Variants in WWOX observed in about 807,000 individuals in gnomAD.
WWOX encodes WW domain-containing oxidoreductase.
Under a neutral mutation model 46.2 loss-of-function variants are expected in WWOX, and 69 were observed. The ratio of observed to expected loss-of-function variants is 1.49; its 90% confidence interval spans 1.23 to 1.82. The LOEUF is 1.82. Ranked by LOEUF, WWOX falls within the 40% of genes most tolerant of loss-of-function variation. The probability of loss-of-function intolerance (pLI) is 0.00; values close to 1 mark genes in which losing one functional copy is unlikely to be tolerated. For missense variants in WWOX, 919 were observed against 542.6 expected (o/e 1.69, Z -6.89); for synonymous variants, 359 against 202.6 (o/e 1.77, Z -6.56).
At chr16:78,155,190 G>C (rs1282549992) in intron 4 of WWOX, among the ~76,000 whole-genome samples, 1 of 151,748 alleles carries the variant, frequency 6.6e-6, no homozygotes, top group African/African-American at 2.4e-5. Flanking sequence ...GGAAGGGAGA[G>C]AGAGAAAGAA....
chr16:78,554,169 C>T (rs2673788), intron 8 of WWOX, among the ~76,000 whole-genome samples: 1 of 152,096 alleles, frequency 6.6e-6, no homozygotes, highest in South Asian at 2.1e-4. Context: ...GTGGCCTGCC[C>T]TAAGGCAGTA....
At chr16:78,513,797 A>G (rs1470336166) in intron 8 of WWOX, among the ~76,000 whole-genome samples, 1 of 152,158 alleles carries the variant, frequency 6.6e-6, no homozygotes, top group African/African-American at 2.4e-5. Context: ...GTCACCACTT[A>G]CCATCCACCT....
intron 8 of WWOX, among the ~76,000 whole-genome samples, 166 bp downstream of exon 8, chr16:78,432,918 A>C (rs1301777533): frequency 6.6e-6 from 1 of 152,198 alleles, no homozygotes; most frequent in African/African-American, 2.4e-5. Context: ...ACTTTAGGTT[A>C]AGTCTGTTTG....
chr16:78,165,245 GCATTCATTCACTTTT>G (rs2034933247), intron 5 of WWOX, among the ~76,000 whole-genome samples: 1 of 152,222 alleles, frequency 6.6e-6, no homozygotes, highest in South Asian at 2.1e-4. Flanking sequence ...AGTCCAGACT[GCATTCATTCACTTTT>G]CATTCATTCA....
At chr16:78,700,933 TTGA>T (rs1352778813) in intron 8 of WWOX, among the ~76,000 whole-genome samples, 2 of 152,040 alleles carry the variant, frequency 1.3e-5, no homozygotes, top group Non-Finnish European at 2.9e-5. Flanking sequence ...GGGCAAGAAA[TTGA>T]TATTTATTGA....
chr16:78,543,943 G>GT (rs1475756710), intron 8 of WWOX, among the ~76,000 whole-genome samples: 2 of 151,942 alleles, frequency 1.3e-5, no homozygotes, highest in Non-Finnish European at 2.9e-5. Flanking sequence ...TAAATTTCTT[G>GT]TCAAAAAAAG....
At position 78,968,167 on chromosome 16, in the gene WWOX, C is replaced by T. The variant is rs796293370; in HGVS notation, c.1057-243441C>T. Among the ~76,000 whole-genome samples, 58 of 29,100 alleles carry T rather than the reference C, an allele frequency of 2.0e-3. 1 individual carries two copies. The highest frequency in any genetic ancestry group is 7.5e-3 in the Admixed American group (17 of 2,272). The allele number at this position is 29,100 out of a possible 152,430, so 19.1% of individuals were successfully genotyped here. On this transcript the variant is annotated intron_variant, in intron 8 of 8. Coordinates refer to ENST00000566780, the MANE Select transcript of WWOX (RefSeq NM_016373.4). ...ACAGCGCGTGGTCCGCGTGGCACAG[C>T]GCGTGGTCTGCGTGGCACAGTGCGT...
At chr16:78,483,549 C>G (rs908320104) in intron 8 of WWOX, among the ~76,000 whole-genome samples, 2 of 151,900 alleles carry the variant, frequency 1.3e-5, no homozygotes, top group Non-Finnish European at 2.9e-5. Flanking sequence ...CAGAACCGGC[C>G]TTTCCCAGTG....
intron 8 of WWOX, among the ~76,000 whole-genome samples, chr16:79,150,889 C>G (rs932442723): frequency 6.6e-6 from 1 of 152,152 alleles, no homozygotes; most frequent in African/African-American, 2.4e-5. Context: ...CATCCGCAGT[C>G]CAGATTCAAC....
At chr16:78,731,871 A>G (rs973004805) in intron 8 of WWOX, among the ~76,000 whole-genome samples, 2 of 138,250 alleles carry the variant, frequency 1.4e-5, no homozygotes, top group South Asian at 2.3e-4. Flanking sequence ...TTTGAGAGAC[A>G]GGGTCTTGCT....
At chr16:79,090,121 C>A (rs1217090892) in intron 8 of WWOX, 2 of 152,010 alleles carry the variant, frequency 1.3e-5, no homozygotes, top group Non-Finnish European at 2.9e-5. Context: ...TTTAATCAAG[C>A]TATAAATATC....
At chr16:78,372,133 T>A (rs1343157680) in intron 5 of WWOX, among the ~76,000 whole-genome samples, 1 of 152,186 alleles carries the variant, frequency 6.6e-6, no homozygotes, top group Non-Finnish European at 1.5e-5. Flanking sequence ...GGCACAGGGA[T>A]TTTTGTGAAC....
At chr16:78,323,326 C>T (rs375118782) in intron 5 of WWOX, among the ~76,000 whole-genome samples, 12 of 152,160 alleles carry the variant, frequency 7.9e-5, no homozygotes, top group Admixed American at 3.9e-4. Context: ...AGGATGGTCT[C>T]GATCTCCTGA....
chr16:78,546,597 C>A lies in WWOX; in HGVS notation c.1056+113845C>A, dbSNP rs912402172. Reference sequence around the variant, plus strand: ...TCAAAACTTCTGGATACCTGAGACTCAGCTAGGAACTTATTTTTAAAATAT... The same window carrying A: ...TCAAAACTTCTGGATACCTGAGACTAAGCTAGGAACTTATTTTTAAAATAT... On this transcript the variant is annotated intron_variant, in intron 8 of 8. Coordinates refer to ENST00000566780, the MANE Select transcript of WWOX (RefSeq NM_016373.4). Among the ~76,000 whole-genome samples, 3 of 152,304 alleles carry A rather than the reference C, an allele frequency of 2.0e-5. No individual in the cohort carries two copies. The South Asian group carries it at 6.2e-4, about 32-fold the overall frequency.
At chr16:78,928,497 C>T (rs1467974895) in intron 8 of WWOX, among the ~76,000 whole-genome samples, 2 of 152,134 alleles carry the variant, frequency 1.3e-5, no homozygotes, top group Admixed American at 6.5e-5. Context: ...CCACCGCGCC[C>T]GGCCCCACTT....
chr16:78,597,255 C>A (rs1456998413), intron 8 of WWOX, among the ~76,000 whole-genome samples: 1 of 152,138 alleles, frequency 6.6e-6, no homozygotes, highest in African/African-American at 2.4e-5. Flanking sequence ...CTTTTTCATT[C>A]CTTCATATAT....
chr16:78,668,021 G>A (rs1389058235), intron 8 of WWOX, among the ~76,000 whole-genome samples: 1 of 152,142 alleles, frequency 6.6e-6, no homozygotes, highest in Admixed American at 6.5e-5. Context: ...GCTCACACCT[G>A]TAATCTTAGC....
intron 8 of WWOX, among the ~76,000 whole-genome samples, chr16:79,093,319 G>A (rs1597369020): frequency 6.6e-6 from 1 of 152,118 alleles, no homozygotes; most frequent in East Asian, 1.9e-4. Flanking sequence ...GTTGCGTTTA[G>A]GGGATGAGAC....
intron 4 of WWOX, among the ~76,000 whole-genome samples, chr16:78,134,885 G>A (rs989420270): frequency 3.3e-5 from 5 of 152,198 alleles, no homozygotes; most frequent in Admixed American, 3.3e-4. Flanking sequence ...TCCCACTGTG[G>A]ATAGATACGC....
Sources: gnomAD v4.1 joint callset for allele counts (sites outside exome capture counted in the v4.1 genomes callset) on GRCh38, gnomAD v4.1.1 for gene constraint, MANE v1.5 for transcripts, NCBI Gene and HGNC (gene_info 2026-07-23, HGNC 2026-07-21) for gene names.